The following PRDM5 variants were observed in gnomAD, a reference collection of about 807,000 sequenced individuals.
PRDM5 encodes the protein PR domain zinc finger protein 5.
In PRDM5, 56 loss-of-function variants were observed where a neutral mutation model predicts 81.2. That is an observed-to-expected ratio of 0.69 (90% CI 0.56 to 0.86). The LOEUF is 0.86. PRDM5 is among the 40% of genes least tolerant of loss of function. The pLI is 0.00. For missense variants in PRDM5, 697 were observed against 770.1 expected (o/e 0.91, Z 1.12); for synonymous variants, 267 against 256.4 (o/e 1.04, Z -0.39).
chr4:120,801,650 A>C (rs540273474), intron 8 of PRDM5, among the ~76,000 whole-genome samples: 2 of 152,222 alleles, frequency 1.3e-5, no homozygotes, highest in Admixed American at 6.5e-5. Flanking sequence ...TTTAGAAAGC[A>C]TGTGGGATCT....
At chr4:120,786,715 G>A (rs1412209187) in intron 10 of PRDM5, among the ~76,000 whole-genome samples, 1 of 152,136 alleles carries the variant, frequency 6.6e-6, no homozygotes, top group African/African-American at 2.4e-5. Context: ...ACCAGACATT[G>A]AAATGACAGA....
intron 3 of PRDM5, among the ~76,000 whole-genome samples, chr4:120,840,866 G>A (rs1757953309): frequency 6.6e-6 from 1 of 152,166 alleles, no homozygotes; most frequent in Non-Finnish European, 1.5e-5. Context: ...GCCCTCCACT[G>A]CCATCACTAT....
At chr4:120,744,023 C>G (rs576046233) in intron 14 of PRDM5, among the ~76,000 whole-genome samples, 56 of 152,012 alleles carry the variant, frequency 3.7e-4, no homozygotes, top group East Asian at 2.1e-3. Context: ...TGACCACATA[C>G]TTGGAAGTAA....
intron 3 of PRDM5, chr4:120,837,479 T>C (rs1757492035): frequency 6.6e-6 from 1 of 152,228 alleles, no homozygotes; most frequent in African/African-American, 2.4e-5. Flanking sequence ...GATTGTGATA[T>C]TAATCTTTTA....
chr4:120,859,260 C>T (rs72680445), intron 2 of PRDM5, among the ~76,000 whole-genome samples: 9,223 of 150,730 alleles, frequency 0.061, 443 homozygotes, highest in Middle Eastern at 0.17. Context: ...GGCTAGAGGG[C>T]AGTGGCACAG....
intron 14 of PRDM5, among the ~76,000 whole-genome samples, chr4:120,711,464 ATTTT>A (rs5861485): frequency 7.4e-4 from 99 of 134,378 alleles, no homozygotes; most frequent in East Asian, 1.3e-3. Context: ...ATACCCAGCT[ATTTT>A]TTTTTTTTTT....
At chr4:120,808,005 T>A (rs1015063513) in intron 8 of PRDM5, among the ~76,000 whole-genome samples, 1 of 152,172 alleles carries the variant, frequency 6.6e-6, no homozygotes, top group Non-Finnish European at 1.5e-5. Context: ...ACGGTCTCAC[T>A]GGCCTCAGGA....
intron 2 of PRDM5, among the ~76,000 whole-genome samples, chr4:120,887,185 C>T (rs758626843): frequency 6.6e-6 from 1 of 152,110 alleles, no homozygotes; most frequent in Non-Finnish European, 1.5e-5. Flanking sequence ...AACTCGTGAT[C>T]CACCCGCCTT....
intron 3 of PRDM5, among the ~76,000 whole-genome samples, chr4:120,833,742 C>G (rs1415048897): frequency 6.6e-6 from 1 of 152,106 alleles, no homozygotes; most frequent in Non-Finnish European, 1.5e-5. Context: ...TATAATCAGA[C>G]TTGGTACTAT....
chr4:120,777,305 C>T (rs772730553), intron 12 of PRDM5, 24 bp from the exon 13 acceptor site: 3 of 1,612,914 alleles, frequency 1.9e-6, no homozygotes, highest in Non-Finnish European at 2.5e-6. Context: ...GATAAAAAGG[C>T]TAAGGATAAA....
intron 15 of PRDM5, among the ~76,000 whole-genome samples, chr4:120,701,353 T>A (rs906903559): frequency 3.3e-5 from 5 of 151,922 alleles, no homozygotes; most frequent in Non-Finnish European, 5.9e-5. Context: ...AGAAAACAAA[T>A]CATTTTACCA....
At chr4:120,725,935 A>G (rs1739335199) in intron 14 of PRDM5, among the ~76,000 whole-genome samples, 1 of 152,088 alleles carries the variant, frequency 6.6e-6, no homozygotes, top group Admixed American at 6.6e-5. Flanking sequence ...GTCACAGTCT[A>G]GCATCCCACT....
chr4:120,734,210 C>T (rs1389646936), intron 14 of PRDM5, among the ~76,000 whole-genome samples: 1 of 151,228 alleles, frequency 6.6e-6, no homozygotes, highest in East Asian at 1.9e-4. Context: ...ATTCTGCAGG[C>T]AGAGAGGAGC....
At chr4:120,898,241 C>T (rs1241592444) in intron 2 of PRDM5, among the ~76,000 whole-genome samples, 1 of 152,164 alleles carries the variant, frequency 6.6e-6, no homozygotes. Flanking sequence ...ATGGCATGCA[C>T]TGAAAGCCTC....
intron 3 of PRDM5, chr4:120,837,463 T>A (rs1757490813): frequency 6.6e-6 from 1 of 152,216 alleles, no homozygotes; most frequent in African/African-American, 2.4e-5. Flanking sequence ...GCAAAGTATT[T>A]CAAAGGATTG....
At chr4:120,697,745 T>C (rs937358) in intron 15 of PRDM5, among the ~76,000 whole-genome samples, 125,042 of 144,840 alleles carry the variant, frequency 0.86, 54,198 homozygotes, top group East Asian at 0.91. Flanking sequence ...TCTCATACTA[T>C]TGGGCTCAAG....
intron 3 of PRDM5, among the ~76,000 whole-genome samples, chr4:120,823,052 G>A (rs2149351729): frequency 6.6e-6 from 1 of 152,138 alleles, no homozygotes; most frequent in Middle Eastern, 3.4e-3. Context: ...CATTTTCCAG[G>A]TCTTTATTAG....
At chr4:120,917,770 C>A (rs532896103) in intron 1 of PRDM5, among the ~76,000 whole-genome samples, 86 of 150,498 alleles carry the variant, frequency 5.7e-4, no homozygotes, top group African/African-American at 2.1e-3. Context: ...TGAGTTTACT[C>A]TTTTCTTATT....
At chr4:120,884,714 C>G (rs1164326860) in intron 2 of PRDM5, among the ~76,000 whole-genome samples, 1 of 152,124 alleles carries the variant, frequency 6.6e-6, no homozygotes, top group East Asian at 1.9e-4. Context: ...TGAGTGTACA[C>G]CCTGACCATC....
Sources: gnomAD v4.1 joint callset for allele counts (sites outside exome capture counted in the v4.1 genomes callset) on GRCh38, gnomAD v4.1.1 for gene constraint, MANE v1.5 for transcripts, NCBI Gene and HGNC (gene_info 2026-07-23, HGNC 2026-07-21) for gene names.